The following DNAAF9 variants were observed in gnomAD, a reference collection of about 807,000 sequenced individuals.
DNAAF9 encodes the protein shulin.
A neutral mutation model predicts 167.0 loss-of-function variants in DNAAF9; 90 were observed. The observed-to-expected ratio is 0.54, with a 90% CI of 0.45 to 0.64. The LOEUF (loss-of-function observed/expected upper bound fraction) is 0.64, where lower values mean the gene tolerates loss of function less well. Among genes scored for constraint, DNAAF9 ranks in the 30% least tolerant of loss-of-function variants. The pLI is 0.00. For synonymous variants in DNAAF9, 491 were observed against 508.8 expected (o/e 0.96, Z 0.47); for missense variants, 1,315 against 1,442.2 (o/e 0.91, Z 1.43).
chr20:3,258,284 G>A (rs2068318292), intron 33 of DNAAF9, among the ~76,000 whole-genome samples: 1 of 152,214 alleles, frequency 6.6e-6, no homozygotes, highest in Non-Finnish European at 1.5e-5. Flanking sequence ...GTGGGCTTGG[G>A]TGTGGGGCCG....
chr20:3,336,708 C>A (rs778019806), intron 10 of DNAAF9, among the ~76,000 whole-genome samples: 3 of 151,968 alleles, frequency 2.0e-5, no homozygotes, highest in South Asian at 2.1e-4. Context: ...CCTGCCACCA[C>A]GCCTGGCTAA....
intron 7 of DNAAF9, among the ~76,000 whole-genome samples, chr20:3,355,721 A>G (rs1307602356): frequency 6.6e-6 from 1 of 152,224 alleles, no homozygotes; most frequent in Non-Finnish European, 1.5e-5. Flanking sequence ...TGAACTAAAT[A>G]TAGAACCTTT....
At chr20:3,355,186 T>C (rs772636332) in intron 7 of DNAAF9, among the ~76,000 whole-genome samples, 63 of 152,250 alleles carry the variant, frequency 4.1e-4, no homozygotes, top group Non-Finnish European at 8.5e-4. Flanking sequence ...TTTCACTTTT[T>C]TTCATAATTA....
intron 21 of DNAAF9, among the ~76,000 whole-genome samples, chr20:3,302,954 G>C (rs537379554): frequency 4.3e-4 from 65 of 152,188 alleles, no homozygotes; most frequent in African/African-American, 1.5e-3. Flanking sequence ...TCAGTAACTG[G>C]TCAGCTGGGT....
Position 3,307,238 on chromosome 20 carries a change from A to C in DNAAF9, c.1679-2695T>G, listed in dbSNP as rs1264789480. 4.0e-6 allele frequency: 3 copies of C among 756,568 alleles called. No homozygotes were observed. In the African/African-American group the frequency reaches 5.7e-5, roughly 14 times the overall value. The allele number at this position is 756,568 out of a possible 1,614,324, so 46.9% of individuals were successfully genotyped here. On this transcript the variant is annotated intron_variant, in intron 20 of 36. Coordinates refer to ENST00000252032, the MANE Select transcript of DNAAF9 (RefSeq NM_001009984.3). ...AGACAAATTCACAAGACAGTGCTGG[A>C]AGAGCTCATTATGGGGCATGAGCCA... is the stretch of plus-strand genomic sequence containing the variant.
intron 6 of DNAAF9, among the ~76,000 whole-genome samples, chr20:3,366,537 C>CA (rs2083434981): frequency 6.6e-6 from 1 of 152,152 alleles, no homozygotes; most frequent in African/African-American, 2.4e-5. Flanking sequence ...GGTAAATGAG[C>CA]ACTGGCTTCA....
chr20:3,262,020 A>G (rs2068398906), intron 31 of DNAAF9, among the ~76,000 whole-genome samples: 1 of 152,172 alleles, frequency 6.6e-6, no homozygotes, highest in African/African-American at 2.4e-5. Flanking sequence ...AGCGGAGCAT[A>G]TCCTGGAACT....
intron 30 of DNAAF9, among the ~76,000 whole-genome samples, chr20:3,267,241 T>C (rs912981820): frequency 6.6e-6 from 1 of 152,288 alleles, no homozygotes; most frequent in African/African-American, 2.4e-5. Flanking sequence ...TTCTTTCTTA[T>C]CCCCAAATTG....
Position 3,260,013 on chromosome 20 carries a change from CA to C in DNAAF9, c.2888del (p.Leu963Ter). On this transcript the variant is annotated frameshift_variant, in exon 32 of 37. Transcript: ENST00000252032. LOFTEE classifies it high-confidence loss of function. ...LMYPGWYEGK[L>X]NAGSVYPLMV... ...TTAGGGGATAGACTGATCCAGCATT[CA>C]ATTTACCTTCATACCTTAAAAGGTT... 1 of 1,606,368 alleles carries C rather than the reference CA, an allele frequency of 6.2e-7. No homozygotes were observed. Among genetic ancestry groups the C allele is most frequent in the South Asian group, 1.1e-5 (1 of 90,914 alleles).
intron 31 of DNAAF9, among the ~76,000 whole-genome samples, chr20:3,262,711 C>T (rs1235545925): frequency 2.0e-5 from 3 of 152,088 alleles, no homozygotes; most frequent in Non-Finnish European, 2.9e-5. Context: ...GCCTCATGAC[C>T]CAGAGGTTCA....
Position 3,270,812 on chromosome 20 carries a change from C to CT in DNAAF9, c.2651-251dup, listed in dbSNP as rs11297850. On this transcript the variant is annotated intron_variant, in intron 29 of 36. Transcript: ENST00000252032. ...CTACCTAACCCCTAACTTCCTCTAT[C>CT]TTTTTTTTTTTTTTTTTTAAGACGG... 1.7e-3 allele frequency among the ~76,000 whole-genome samples: 242 copies of CT among 138,522 alleles called. 1 individual carries two copies. Among genetic ancestry groups the CT allele is most frequent in the African/African-American group, 4.6e-3 (173 of 37,278 alleles). The allele number at this position is 138,522 out of a possible 152,430, so 90.9% of individuals were successfully genotyped here.
At chr20:3,393,355 ATTAG>A (rs1362565985) in intron 1 of DNAAF9, among the ~76,000 whole-genome samples, 10 of 151,800 alleles carry the variant, frequency 6.6e-5, no homozygotes, top group Non-Finnish European at 1.0e-4. Flanking sequence ...TCTACAAAAA[ATTAG>A]TTAGGCGTGG....
intron 1 of DNAAF9, among the ~76,000 whole-genome samples, chr20:3,405,529 G>C (rs1468711019): frequency 6.6e-6 from 1 of 152,188 alleles, no homozygotes; most frequent in African/African-American, 2.4e-5. Context: ...AAAGGTATTG[G>C]GGGCAGCTAG....
chr20:3,294,508 T>C lies in DNAAF9; in HGVS notation c.2120+20A>G, dbSNP rs1435743854. 5.9e-6 allele frequency: 9 copies of C among 1,519,960 alleles called. No individual in the cohort carries two copies. The highest frequency in any genetic ancestry group is 9.1e-7 in the Non-Finnish European group (1 of 1,094,568). 94.2% of individuals were successfully genotyped at this position (1,519,960 alleles called of 1,614,324 possible). ...CAAAAGCCAGAATATTAAACATCTATAAACAGAACCAGAGCTTACCAGTCC... is the reference window on the plus strand; with the variant it reads ...CAAAAGCCAGAATATTAAACATCTACAAACAGAACCAGAGCTTACCAGTCC... On this transcript the variant is annotated intron_variant, in intron 24 of 36. Coordinates refer to ENST00000252032, the MANE Select transcript of DNAAF9 (RefSeq NM_001009984.3).
chr20:3,338,648 A>ATTTTTTT (rs140772082), intron 10 of DNAAF9, among the ~76,000 whole-genome samples: 4 of 121,782 alleles, frequency 3.3e-5, no homozygotes, highest in Middle Eastern at 4.5e-3. Context: ...TTCTTGGATG[A>ATTTTTTT]TTTTTTTTTT....
chr20:3,344,631 ACACACACACCT>A (rs1169039119), intron 8 of DNAAF9, among the ~76,000 whole-genome samples: 2 of 127,704 alleles, frequency 1.6e-5, no homozygotes, highest in Non-Finnish European at 3.4e-5. Flanking sequence ...ACACACACAC[ACACACACACCT>A]CATGTAGTGA....
intron 8 of DNAAF9, among the ~76,000 whole-genome samples, chr20:3,346,837 G>A (rs1312897749): frequency 6.6e-6 from 1 of 152,032 alleles, no homozygotes; most frequent in Admixed American, 6.6e-5. Flanking sequence ...GAAGAAAAAA[G>A]AACTCCCCAA....
chr20:3,332,228 G>T lies in DNAAF9; in HGVS notation c.1063+52C>A, dbSNP rs536168250. 37 of 952,794 alleles carry T rather than the reference G, an allele frequency of 3.9e-5. 1 individual carries two copies. The South Asian group carries it at 4.9e-4, about 13-fold the overall frequency. The allele number at this position is 952,794 out of a possible 1,614,324, so 59.0% of individuals were successfully genotyped here. A position where few individuals can be genotyped will look rare whatever the true frequency, so the allele number is the denominator to read the frequency against. The stretch of plus-strand genomic sequence containing the variant: ...TTGTATGTCAACTTCTAGTTCATGG[G>T]ACAGACTATTCATTAGATAAGCTGA... On this transcript the variant is annotated intron_variant, in intron 11 of 36. Coordinates refer to ENST00000252032, the MANE Select transcript of DNAAF9 (RefSeq NM_001009984.3).
intron 5 of DNAAF9, 96 bp from the exon 6 acceptor site, chr20:3,374,250 C>T (rs1051223561): frequency 1.5e-5 from 11 of 720,164 alleles, no homozygotes; most frequent in East Asian, 2.7e-5. Context: ...TCATTTCTCA[C>T]GTGGTCACCA....
Sources: gnomAD v4.1 joint callset for allele counts (sites outside exome capture counted in the v4.1 genomes callset) on GRCh38, gnomAD v4.1.1 for gene constraint, MANE v1.5 for transcripts, NCBI Gene and HGNC (gene_info 2026-07-23, HGNC 2026-07-21) for gene names.